The following NIF3L1 variants were observed in gnomAD, a reference collection of about 807,000 sequenced individuals.
NIF3L1 encodes NGG1 interacting factor 3 like 1.
NIF3L1 carries 26 observed loss-of-function variants against 35.0 expected under a neutral mutation model. The observed-to-expected ratio is 0.74, with a 90% CI of 0.54 to 1.03. The LOEUF is 1.03. Among genes scored for constraint, NIF3L1 ranks in the 50% least tolerant of loss-of-function variants. The pLI is 0.00. For missense variants in NIF3L1, 449 were observed against 466.3 expected (o/e 0.96, Z 0.34); for synonymous variants, 157 against 178.9 (o/e 0.88, Z 0.98).
chr2:200,890,324 A>G (rs574323704), intron 1 of NIF3L1, among the ~76,000 whole-genome samples: 5 of 152,254 alleles, frequency 3.3e-5, no homozygotes, highest in Middle Eastern at 3.4e-3. Flanking sequence ...ACGCCACTGC[A>G]CTCCAGCCTA....
At chr2:200,891,360 G>T (rs901416539) in intron 1 of NIF3L1, among the ~76,000 whole-genome samples, 1 of 152,132 alleles carries the variant, frequency 6.6e-6, no homozygotes, top group Admixed American at 6.5e-5. Flanking sequence ...AGCATTTAGT[G>T]CTGGCTTATA....
chr2:200,891,640 C>T (rs1575131259), intron 1 of NIF3L1: 5 of 346,120 alleles, frequency 1.4e-5, no homozygotes, highest in South Asian at 9.2e-5. Flanking sequence ...ATGGGATGGA[C>T]GTTTGTGTAT....
intron 3 of NIF3L1, 99 bp downstream of exon 3, chr2:200,893,507 T>A: frequency 1.7e-6 from 2 of 1,149,606 alleles, no homozygotes; most frequent in Non-Finnish European, 2.5e-6. Context: ...ACAAATAGTT[T>A]TCTCTGGAGT....
Position 200,903,663 on chromosome 2 carries a change from T to C in NIF3L1, c.1119T>C (p.Pro373=), listed in dbSNP as rs370636849. 138 of 1,612,900 alleles carry C rather than the reference T, an allele frequency of 8.6e-5. No homozygotes were observed. The African/African-American group carries it at 1.7e-3, about 19-fold the overall frequency. The change falls in exon 7 of 7, where the codon CCT becomes CCC. Residue 373 remains proline, a synonymous_variant. Transcript: ENST00000409020. ...TCCTATCAGAGACTGACAGGGACCC[T>C]CTTCAGGTGGTATAATTGCAGAAAC... ...NIILSETDRD[P]LQVV
intron 1 of NIF3L1, among the ~76,000 whole-genome samples, chr2:200,891,059 A>G (rs1173462409): frequency 6.6e-6 from 1 of 151,592 alleles, no homozygotes; most frequent in African/African-American, 2.4e-5. Context: ...CCCAGGTTCA[A>G]GTGATTCTCC....
At chr2:200,897,018 G>T in intron 4 of NIF3L1, 58 bp from the exon 5 acceptor site, 2 of 1,555,352 alleles carry the variant, frequency 1.3e-6, no homozygotes, top group Non-Finnish European at 1.8e-6. Flanking sequence ...GATGATTTTA[G>T]CATTTGTTGT....
chr2:200,896,154 A>G (rs2040308530), intron 4 of NIF3L1, among the ~76,000 whole-genome samples: 1 of 152,024 alleles, frequency 6.6e-6, no homozygotes, highest in Admixed American at 6.5e-5. Flanking sequence ...CTGCGATGAG[A>G]GTAGTCTCAC....
At chr2:200,894,252 T>C (rs2124883554) in intron 3 of NIF3L1, among the ~76,000 whole-genome samples, 1 of 152,152 alleles carries the variant, frequency 6.6e-6, no homozygotes, top group Admixed American at 6.6e-5. Context: ...TGAGAATCTG[T>C]CCAGGACATT....
intron 4 of NIF3L1, 94 bp downstream of exon 4, chr2:200,895,484 A>G (rs2040290734): frequency 1.6e-6 from 2 of 1,229,458 alleles, no homozygotes; most frequent in African/African-American, 3.0e-5. Flanking sequence ...AGGTATATTG[A>G]GGTATACCTT....
chr2:200,901,901 G>C (rs2040414475), intron 6 of NIF3L1, among the ~76,000 whole-genome samples: 1 of 152,084 alleles, frequency 6.6e-6, no homozygotes, highest in Admixed American at 6.6e-5. Flanking sequence ...CTAAAACAAG[G>C]CTTCCAACTG....
chr2:200,890,298 G>C (rs1157636731), intron 1 of NIF3L1, among the ~76,000 whole-genome samples: 1 of 152,160 alleles, frequency 6.6e-6, no homozygotes, highest in Non-Finnish European at 1.5e-5. Context: ...AGTCGAGGCT[G>C]CAGTGAGCTG....
chr2:200,895,211 TA>T lies in NIF3L1; in HGVS notation c.600-49del, dbSNP rs1403920260. On this transcript the variant is annotated intron_variant, in intron 3 of 6. Transcript: ENST00000409020. ...GTAGGTTTGTAAACTGTGGATTATC[TA>T]AAATACATTTTGGCTATATTTGTCC... 3 of 1,565,086 alleles carry T rather than the reference TA, an allele frequency of 1.9e-6. No individual in the cohort carries two copies. In the African/African-American group the frequency reaches 4.1e-5, roughly 21 times the overall value.
At chr2:200,900,482 C>T (rs1207156004) in intron 6 of NIF3L1, among the ~76,000 whole-genome samples, 1 of 152,152 alleles carries the variant, frequency 6.6e-6, no homozygotes, top group African/African-American at 2.4e-5. Context: ...ATTCCTTTGG[C>T]TACTTCCATG....
chr2:200,897,532 G>A (rs1256610695), intron 5 of NIF3L1, among the ~76,000 whole-genome samples: 1 of 152,068 alleles, frequency 6.6e-6, no homozygotes, highest in African/African-American at 2.4e-5. Context: ...TAAAATTCCA[G>A]GAAACATGTT....
chr2:200,893,285 C>T lies in NIF3L1; in HGVS notation c.476C>T (p.Pro159Leu). ...TSRPIHPSKA[P>L]NYPTEGNHRV... ...AGGCCCATACATCCTTCCAAAGCTC[C>T]CAACTACCCTACAGAGGGAAACCAC... The change falls in exon 3 of 7, where the codon CCC becomes CTC. Residue 159 changes from proline (P) to leucine (L), a missense_variant. Physicochemically the swap from Pro to Leu is moderately conservative, Grantham distance 98. Transcript: ENST00000409020. 3 of 1,582,354 alleles carry T rather than the reference C, an allele frequency of 1.9e-6. No homozygotes were observed. The highest frequency in any genetic ancestry group is 2.3e-5 in the South Asian group (2 of 87,870).
chr2:200,895,508 T>C, intron 4 of NIF3L1, 118 bp downstream of exon 4: 1 of 950,532 alleles, frequency 1.1e-6, no homozygotes, highest in Non-Finnish European at 1.6e-6. Context: ...GAGGTATAAT[T>C]GATATACTAA....
At chr2:200,899,192 T>C (rs2040370990) in intron 5 of NIF3L1, 193 bp from the exon 6 acceptor site, 2 of 446,738 alleles carry the variant, frequency 4.5e-6, no homozygotes, top group Non-Finnish European at 8.0e-6. Context: ...GGGTTAGCTA[T>C]GCAATATCAA....
intron 5 of NIF3L1, 70 bp from the exon 6 acceptor site, chr2:200,899,315 G>T: frequency 1.7e-6 from 2 of 1,183,314 alleles, no homozygotes; most frequent in Non-Finnish European, 1.3e-6. Flanking sequence ...TAGGATTCTT[G>T]GTACAAATTA....
intron 4 of NIF3L1, among the ~76,000 whole-genome samples, chr2:200,896,304 GC>G (rs2040312884): frequency 6.6e-6 from 1 of 152,082 alleles, no homozygotes; most frequent in Non-Finnish European, 1.5e-5. Flanking sequence ...TTTTGGATCT[GC>G]CCCCATAGTG....
Sources: gnomAD v4.1 joint callset for allele counts (sites outside exome capture counted in the v4.1 genomes callset) on GRCh38, gnomAD v4.1.1 for gene constraint, MANE v1.5 for transcripts, NCBI Gene and HGNC (gene_info 2026-07-23, HGNC 2026-07-21) for gene names.